MGMT: variants seen among roughly 807,000 people sequenced by gnomAD.
MGMT encodes O-6-methylguanine-DNA methyltransferase.
Under a neutral mutation model 15.9 loss-of-function variants are expected in MGMT, and 14 were observed. That is an observed-to-expected ratio of 0.88 (90% CI 0.58 to 1.37). MGMT has a LOEUF of 1.37. MGMT is among the 40% of genes most tolerant of loss of function. The pLI is 0.00. For synonymous variants in MGMT, 130 were observed against 118.2 expected (o/e 1.10, Z -0.65); for missense variants, 282 against 268.1 (o/e 1.05, Z -0.36).
chr10:129,682,607 A>G (rs909525147), intron 2 of MGMT, among the ~76,000 whole-genome samples: 1 of 152,138 alleles, frequency 6.6e-6, no homozygotes, highest in African/African-American at 2.4e-5. Context: ...ATAATTTTTA[A>G]AAGTCCATTA....
intron 3 of MGMT, among the ~76,000 whole-genome samples, chr10:129,709,896 G>C (rs1848211216): frequency 6.6e-6 from 1 of 152,172 alleles, no homozygotes; most frequent in African/African-American, 2.4e-5. Flanking sequence ...TCCAGGGCAG[G>C]AGTGGCCAGC....
At chr10:129,611,741 T>TG (rs1169281174) in intron 2 of MGMT, among the ~76,000 whole-genome samples, 11 of 152,062 alleles carry the variant, frequency 7.2e-5, no homozygotes, top group Non-Finnish European at 1.5e-4. Context: ...GGGTGCGCTC[T>TG]GGGGGGGCCA....
chr10:129,524,466 A>G (rs1466990750), intron 1 of MGMT, among the ~76,000 whole-genome samples: 1 of 152,092 alleles, frequency 6.6e-6, no homozygotes, highest in Non-Finnish European at 1.5e-5. Flanking sequence ...CATTGATGTC[A>G]TGGAATCTCT....
At chr10:129,734,273 C>T (rs1848535221) in intron 3 of MGMT, among the ~76,000 whole-genome samples, 1 of 139,070 alleles carries the variant, frequency 7.2e-6, no homozygotes, top group Non-Finnish European at 1.6e-5. Context: ...AGAGGTCCTT[C>T]ACATCCCTTG....
intron 1 of MGMT, among the ~76,000 whole-genome samples, chr10:129,520,694 GA>G (rs1215327637): frequency 8.6e-5 from 13 of 150,876 alleles, no homozygotes; most frequent in Admixed American, 2.6e-4. Context: ...TGCGGGTACA[GA>G]ACCCCTACGG....
At chr10:129,618,962 A>G (rs1472244522) in intron 2 of MGMT, among the ~76,000 whole-genome samples, 3 of 152,026 alleles carry the variant, frequency 2.0e-5, no homozygotes, top group Non-Finnish European at 2.9e-5. Flanking sequence ...CCTTTATACT[A>G]TGTATGCTGT....
intron 3 of MGMT, among the ~76,000 whole-genome samples, chr10:129,739,665 C>G (rs1368230726): frequency 1.3e-5 from 2 of 152,114 alleles, no homozygotes; most frequent in African/African-American, 4.8e-5. Context: ...GTCAGAACCC[C>G]TATACCAAGC....
At chr10:129,546,302 G>A (rs1455037948) in intron 2 of MGMT, among the ~76,000 whole-genome samples, 4 of 152,226 alleles carry the variant, frequency 2.6e-5, no homozygotes, top group African/African-American at 9.6e-5. Context: ...TCAAGACAGC[G>A]GCTGGCAGGG....
chr10:129,602,204 A>G (rs1023931900), intron 2 of MGMT, among the ~76,000 whole-genome samples: 1 of 152,078 alleles, frequency 6.6e-6, no homozygotes, highest in Non-Finnish European at 1.5e-5. Context: ...CTTCATTTTT[A>G]TTGCTTTTTT....
At chr10:129,502,685 T>G (rs1303659382) in intron 1 of MGMT, among the ~76,000 whole-genome samples, 1 of 152,186 alleles carries the variant, frequency 6.6e-6, no homozygotes, top group Non-Finnish European at 1.5e-5. Flanking sequence ...CCTCCCTTCC[T>G]AAATTTCCGT....
intron 1 of MGMT, among the ~76,000 whole-genome samples, chr10:129,483,258 TAG>T (rs756920733): frequency 2.0e-5 from 3 of 152,240 alleles, no homozygotes; most frequent in Non-Finnish European, 2.9e-5. Context: ...CTCCAATATA[TAG>T]AGTTACTATT....
At chr10:129,714,669 C>G (rs7081359) in intron 3 of MGMT, among the ~76,000 whole-genome samples, 1 of 152,006 alleles carries the variant, frequency 6.6e-6, no homozygotes, top group African/African-American at 2.4e-5. Flanking sequence ...GATGTAGCTC[C>G]TATGAATGCT....
chr10:129,596,709 AT>A (rs1158313517), intron 2 of MGMT, among the ~76,000 whole-genome samples: 2 of 152,170 alleles, frequency 1.3e-5, no homozygotes, highest in Admixed American at 6.5e-5. Context: ...GCAGAAATAC[AT>A]TTCCCTCACT....
chr10:129,471,242 G>C (rs912969832), intron 1 of MGMT, among the ~76,000 whole-genome samples: 6 of 152,212 alleles, frequency 3.9e-5, no homozygotes, highest in African/African-American at 1.4e-4. Context: ...TGAGTCATAT[G>C]CATAGAGGTT....
chr10:129,762,380 A>C (rs1399479399), intron 4 of MGMT, among the ~76,000 whole-genome samples: 1 of 152,200 alleles, frequency 6.6e-6, no homozygotes, highest in African/African-American at 2.4e-5. Flanking sequence ...TGCTGTCGGC[A>C]TGAGTTTCTC....
At chr10:129,728,471 G>C (rs1161326167) in intron 3 of MGMT, among the ~76,000 whole-genome samples, 1 of 152,128 alleles carries the variant, frequency 6.6e-6, no homozygotes, top group African/African-American at 2.4e-5. Context: ...GGGGAGTTCA[G>C]GGGTCGCAGA....
At chr10:129,726,763 T>C (rs1049056232) in intron 3 of MGMT, among the ~76,000 whole-genome samples, 9 of 152,188 alleles carry the variant, frequency 5.9e-5, no homozygotes, top group Non-Finnish European at 1.3e-4. Context: ...GTCATGGAGT[T>C]TTGACCTAAT....
intron 4 of MGMT, among the ~76,000 whole-genome samples, chr10:129,764,144 G>A (rs569159918): frequency 1.3e-5 from 2 of 152,346 alleles, no homozygotes; most frequent in South Asian, 4.1e-4. Context: ...CAGGAGAGTG[G>A]TTAGAGCCCC....
intron 1 of MGMT, among the ~76,000 whole-genome samples, chr10:129,518,285 A>C (rs1457740003): frequency 6.6e-6 from 1 of 151,666 alleles, no homozygotes; most frequent in Non-Finnish European, 1.5e-5. Flanking sequence ...AAAACTTTAT[A>C]AATCTTAAAG....
Sources: allele counts gnomAD v4.1 joint callset (sites outside exome capture counted in the v4.1 genomes callset), GRCh38; gene constraint gnomAD v4.1.1; transcripts MANE v1.5; gene names NCBI Gene and HGNC (gene_info 2026-07-23, HGNC 2026-07-21).